Variants in GALNT7 observed in about 807,000 individuals in gnomAD.
The protein encoded by GALNT7 is polypeptide N-acetylgalactosaminyltransferase 7, also known as N-acetylgalactosaminyltransferase 7.
Under a neutral mutation model 82.1 loss-of-function variants are expected in GALNT7, and 60 were observed. That is an observed-to-expected ratio of 0.73 (90% confidence interval 0.59 to 0.91). GALNT7 has a LOEUF of 0.91. Among genes scored for constraint, GALNT7 ranks in the 40% least tolerant of loss-of-function variants. GALNT7 has a pLI of 0.00. For synonymous variants in GALNT7, 243 were observed against 275.1 expected, an observed-to-expected ratio of 0.88 and a Z score of 1.15; for missense variants, 660 against 804.2, an observed-to-expected ratio of 0.82 and a Z score of 2.17.
At chr4:173,270,953 C>T (rs1283645973) in intron 2 of GALNT7, among the ~76,000 whole-genome samples, 3 of 152,142 alleles carry the variant, frequency 2.0e-5, no homozygotes, top group Admixed American at 2.0e-4. Flanking sequence ...GATGGAATAA[C>T]CAGCTGATAT....
chr4:173,253,829 GGAA>G (rs1655956551), intron 2 of GALNT7, among the ~76,000 whole-genome samples: 2 of 152,140 alleles, frequency 1.3e-5, no homozygotes, highest in South Asian at 4.1e-4. Flanking sequence ...CCTGTTTATG[GGAA>G]GAAGTAGAAA....
At chr4:173,249,339 A>C (rs972553355) in intron 2 of GALNT7, among the ~76,000 whole-genome samples, 2 of 152,186 alleles carry the variant, frequency 1.3e-5, no homozygotes, top group African/African-American at 4.8e-5. Context: ...ACACACTCAC[A>C]CCTATTCACC....
intron 2 of GALNT7, among the ~76,000 whole-genome samples, chr4:173,255,525 G>C (rs1035659370): frequency 6.6e-6 from 1 of 151,984 alleles, no homozygotes; most frequent in Admixed American, 6.6e-5. Context: ...CTGGAGACTA[G>C]TTTGAAAAAT....
At chr4:173,181,462 A>C (rs1561143393) in intron 1 of GALNT7, among the ~76,000 whole-genome samples, 1 of 152,208 alleles carries the variant, frequency 6.6e-6, no homozygotes, top group Non-Finnish European at 1.5e-5. Flanking sequence ...AAAATTCTCT[A>C]TTCTAAAAAT....
At chr4:173,250,243 G>A (rs1367515018) in intron 2 of GALNT7, among the ~76,000 whole-genome samples, 1 of 152,138 alleles carries the variant, frequency 6.6e-6, no homozygotes, top group Non-Finnish European at 1.5e-5. Context: ...GTACCTCAGT[G>A]CAGATGTTAC....
chr4:173,198,457 A>G (rs1732847607), intron 1 of GALNT7, among the ~76,000 whole-genome samples: 1 of 152,086 alleles, frequency 6.6e-6, no homozygotes, highest in African/African-American at 2.4e-5. Flanking sequence ...ATACATCTCT[A>G]TGTGGCCCTT....
Position 173,317,641 on chromosome 4 carries a change from G to T in GALNT7, c.1616G>T (p.Gly539Val). ...PKNVDWGEIR[G>V]FETAYCIDSM... ...CTTTATTCATTTTTTTAGATCAGAG[G>T]CTTCGAAACTGCTTACTGCATTGAT... is the stretch of plus-strand genomic sequence containing the variant. Residue 539 changes from glycine to valine, a missense_variant, in exon 10 of 12, where the codon GGC becomes GTC. By Grantham distance (109) the Gly-to-Val change is moderately radical. Around this residue, in one of 2 missense-constraint regions of GALNT7, gnomAD observed 527 missense variants for 683.5 expected, o/e 0.77. Coordinates refer to ENST00000265000, the MANE Select transcript of GALNT7 (RefSeq NM_017423.3). 1 of 1,604,766 alleles carries T rather than the reference G, an allele frequency of 6.2e-7. No individual in the cohort carries two copies. The highest frequency in any genetic ancestry group is 8.5e-7 in the Non-Finnish European group (1 of 1,171,980).
At chr4:173,195,212 C>A (rs1732739364) in intron 1 of GALNT7, among the ~76,000 whole-genome samples, 1 of 152,066 alleles carries the variant, frequency 6.6e-6, no homozygotes, top group Non-Finnish European at 1.5e-5. Context: ...ATTTCTACTT[C>A]CTCATCTTCA....
At chr4:173,296,194 T>C (rs1736711062) in intron 5 of GALNT7, among the ~76,000 whole-genome samples, 2 of 152,202 alleles carry the variant, frequency 1.3e-5, no homozygotes, top group Admixed American at 1.3e-4. Context: ...TGCTTTGATA[T>C]TATACCTGTT....
At chr4:173,228,630 C>T (rs1475141400) in intron 1 of GALNT7, among the ~76,000 whole-genome samples, 1 of 151,972 alleles carries the variant, frequency 6.6e-6, no homozygotes, top group East Asian at 1.9e-4. Flanking sequence ...ATTTTGCAGT[C>T]AGGAGGAATG....
intron 3 of GALNT7, among the ~76,000 whole-genome samples, chr4:173,294,505 C>G (rs1579998123): frequency 6.6e-6 from 1 of 152,038 alleles, no homozygotes; most frequent in Non-Finnish European, 1.5e-5. Context: ...TAACTCATCT[C>G]TAAATACAGC....
chr4:173,190,867 G>C (rs1293394409), intron 1 of GALNT7, among the ~76,000 whole-genome samples: 1 of 152,092 alleles, frequency 6.6e-6, no homozygotes, highest in Non-Finnish European at 1.5e-5. Context: ...GCTATATCCT[G>C]TATCAGAAAT....
rs1316866811 is a variant in GALNT7, at chr4:173,302,020, G to T, written c.1149-27G>T. 9.8e-7 allele frequency: 1 copy of T among 1,016,380 alleles called. No individual in the cohort carries two copies. Among genetic ancestry groups the T allele is most frequent in the Non-Finnish European group, 1.6e-6 (1 of 636,322 alleles). 63.0% of individuals were successfully genotyped at this position (1,016,380 alleles called of 1,614,324 possible). A position where few individuals can be genotyped will look rare whatever the true frequency, so the allele number is the denominator to read the frequency against. ...GGGTTATTGGGGGTTTGTCTGTAAT[G>T]GTTATTGCAGTGTTTCTTTTTCTTA... On this transcript the variant is annotated intron_variant, in intron 6 of 11. Transcript: ENST00000265000. The surrounding 1 kb of genome is among the most constrained non-coding windows in gnomAD (Gnocchi z 4.2).
intron 6 of GALNT7, among the ~76,000 whole-genome samples, chr4:173,300,938 A>T (rs1379674754): frequency 6.6e-6 from 1 of 152,088 alleles, no homozygotes; most frequent in Non-Finnish European, 1.5e-5. Context: ...GTTCTAGACC[A>T]GTCTGAGCAA....
chr4:173,203,583 C>A (rs763311588), intron 1 of GALNT7, among the ~76,000 whole-genome samples: 4 of 152,190 alleles, frequency 2.6e-5, no homozygotes, highest in Non-Finnish European at 5.9e-5. Flanking sequence ...GTGATTTTCT[C>A]TGCTGCTATG....
chr4:173,258,694 C>T (rs1421721568), intron 2 of GALNT7, among the ~76,000 whole-genome samples: 1 of 152,148 alleles, frequency 6.6e-6, no homozygotes, highest in Non-Finnish European at 1.5e-5. Flanking sequence ...GAAAGTGAGG[C>T]TCAGAGAACT....
Position 173,321,589 on chromosome 4 carries a change from A to C in GALNT7, c.1846A>C (p.Arg616=). Reference sequence around the variant, plus strand: ...TTACTGTGTTTTCCAGAACCTGCACAGATTTACTCATATTCCTTCAGGAAA... The same window carrying C: ...TTACTGTGTTTTCCAGAACCTGCACCGATTTACTCATATTCCTTCAGGAAA... The part of the protein sequence containing the change: ...KEWQYFKNLH[R]FTHIPSGKCL... Residue 616 remains arginine, a synonymous_variant, in exon 12 of 12, where the codon AGA becomes CGA. Transcript: ENST00000265000. The C allele has an allele frequency of 6.2e-7, 1 of 1,611,692 alleles. No individual in the cohort carries two copies.
At chr4:173,254,757 T>C (rs907012662) in intron 2 of GALNT7, among the ~76,000 whole-genome samples, 22 of 152,212 alleles carry the variant, frequency 1.4e-4, no homozygotes, top group Non-Finnish European at 2.8e-4. Flanking sequence ...TTTTTCAGAC[T>C]ACAGTTTGGC....
In GALNT7 at chr4:173,318,623, G is replaced by A. The variant is rs755060145; in HGVS notation, c.1836+64G>A. 11 of 1,008,052 alleles carry A rather than the reference G, an allele frequency of 1.1e-5. No homozygotes were observed. The East Asian group carries it at 2.8e-4, about 26-fold the overall frequency. 62.4% of individuals were successfully genotyped at this position (1,008,052 alleles called of 1,614,324 possible). ...TCATTTTCAGTAACATCTAGCATGT[G>A]GAATTTAGATAAATAAATCTTAAAA... On this transcript the variant is annotated intron_variant, in intron 11 of 11. Coordinates refer to ENST00000265000, the MANE Select transcript of GALNT7 (RefSeq NM_017423.3).
Sources: gnomAD v4.1 joint callset for allele counts (sites outside exome capture counted in the v4.1 genomes callset) on GRCh38, gnomAD v4.1.1 for gene constraint, gnomAD v4.1.1 regional missense constraint, Gnocchi (gnomAD v3.1) non-coding constraint, MANE v1.5 for transcripts, NCBI Gene and HGNC (gene_info 2026-07-23, HGNC 2026-07-21) for gene names.